Variants in GAB3 observed in about 807,000 individuals in gnomAD.
The protein encoded by GAB3 is GRB2 associated binding protein 3.
Under a neutral mutation model 40.4 loss-of-function variants are expected in GAB3, and 12 were observed. The observed-to-expected ratio is 0.30, with a 90% confidence interval of 0.19 to 0.48. GAB3 has a LOEUF of 0.48. Among genes scored for constraint, GAB3 ranks in the 20% least tolerant of loss-of-function variants. GAB3 has a pLI of 0.99. For synonymous variants in GAB3, 154 were observed against 176.7 expected (o/e 0.87, Z 1.02); for missense variants, 381 against 461.9 (o/e 0.82, Z 1.61).
At chrX:154,715,529 C>T (rs2071034145) in intron 2 of GAB3, among the ~76,000 whole-genome samples, 1 of 110,983 alleles carries the variant, frequency 9.0e-6, no homozygotes, top group African/African-American at 3.3e-5. Context: ...CAACTAATTT[C>T]CTCTGCAGAG....
intron 1 of GAB3, among the ~76,000 whole-genome samples, chrX:154,719,660 G>A (rs781990120): frequency 4.5e-5 from 5 of 112,170 alleles, no homozygotes; most frequent in African/African-American, 1.6e-4. Flanking sequence ...TCATCCCTTA[G>A]GTTTTTAAAT....
chrX:154,688,615 C>G (rs889486665), intron 8 of GAB3, among the ~76,000 whole-genome samples: 2 of 111,250 alleles, frequency 1.8e-5, no homozygotes, highest in Non-Finnish European at 3.8e-5. Context: ...ATATAAAGAA[C>G]TCTCAAAACT....
chrX:154,712,202 G>A lies in GAB3; in HGVS notation c.1069+27C>T, dbSNP rs782577751. On this transcript the variant is annotated intron_variant, in intron 4 of 9. Coordinates refer to ENST00000424127, the MANE Select transcript of GAB3 (RefSeq NM_001081573.3). ...GAAGAGGAGCCCGGGTTTTCTTGGC[G>A]CCTGAATCTTAGGACCCAACACTTA... 6.8e-5 allele frequency: 74 copies of A among 1,083,422 alleles called. No homozygotes were observed. The Admixed American group carries it at 1.6e-3, about 23-fold the overall frequency. 89.3% of individuals were successfully genotyped at this position (1,083,422 alleles called of 1,213,427 possible). A position where few individuals can be genotyped will look rare whatever the true frequency, so the allele number is the denominator to read the frequency against.
chrX:154,740,451 T>A (rs2071419845), intron 1 of GAB3, among the ~76,000 whole-genome samples: 2 of 112,162 alleles, frequency 1.8e-5, no homozygotes, highest in South Asian at 7.3e-4. Flanking sequence ...GTTCTCCGCT[T>A]CTAGGAATGT....
upstream of GAB3, chrX:154,751,512 G>T: frequency 1.3e-6 from 1 of 752,241 alleles, no homozygotes; most frequent in Non-Finnish European, 1.6e-6. Context: ...CATGTGCATA[G>T]TTCACGGAGA....
intron 1 of GAB3, among the ~76,000 whole-genome samples, chrX:154,749,823 TG>T (rs2071584692): frequency 2.7e-5 from 3 of 112,862 alleles, no homozygotes; most frequent in Non-Finnish European, 5.6e-5. Context: ...CCACACATTC[TG>T]GAAGTATTCA....
intron 1 of GAB3, among the ~76,000 whole-genome samples, chrX:154,744,427 G>A (rs1312253641): frequency 9.0e-6 from 1 of 110,916 alleles, no homozygotes; most frequent in Non-Finnish European, 1.9e-5. Context: ...ATAGCATCAG[G>A]GACAAAGCAA....
In GAB3 at chrX:154,680,550, A is replaced by G. The variant is rs959612001; in HGVS notation, c.1531-302T>C. On this transcript the variant is annotated intron_variant, in intron 8 of 9. Transcript: ENST00000424127. ...AGGCCTGTGATACTTCAGAGATTAA[A>G]CCCTAACAAGATCAACTATACTTAT... is the stretch of plus-strand genomic sequence containing the variant. 4.5e-5 allele frequency among the ~76,000 whole-genome samples: 5 copies of G among 112,256 alleles called. No individual in the cohort carries two copies. In the East Asian group the frequency reaches 1.4e-3, roughly 31 times the overall value.
intron 8 of GAB3, among the ~76,000 whole-genome samples, chrX:154,692,678 C>T (rs1557249750): frequency 8.9e-6 from 1 of 111,735 alleles, no homozygotes; most frequent in African/African-American, 3.3e-5. Context: ...ATTCCAGCTA[C>T]TCAGGAGGCT....
At chrX:154,685,077 A>G (rs2070428753) in intron 8 of GAB3, among the ~76,000 whole-genome samples, 1 of 111,711 alleles carries the variant, frequency 9.0e-6, no homozygotes, top group Admixed American at 9.5e-5. Context: ...TATCTCATCC[A>G]TTGAGTTTCT....
Position 154,680,240 on chromosome X carries a change from G to A in GAB3, c.1539C>T (p.His513=), listed in dbSNP as rs2070355448. The A allele has an allele frequency of 8.4e-7, 1 of 1,194,832 alleles. No homozygotes were observed. The highest frequency in any genetic ancestry group is 2.2e-5 in the Admixed American group (1 of 45,490). Residue 513 remains histidine (H), a synonymous_variant, in exon 9 of 10, where the codon CAC becomes CAT. Transcript: ENST00000424127. The part of the protein sequence containing the change: ...DEESYIEMEE[H]RTASSLSSGA... ...CACTGCTCAGGGAACTGGCTGTTCG[G>A]TGCTCCTCCTAGGAACCAACATCAC...
chrX:154,751,159 C>T (rs1290663468), upstream of GAB3: 2 of 549,833 alleles, frequency 3.6e-6, no homozygotes, highest in Non-Finnish European at 4.4e-6. Flanking sequence ...GCGACCCCCG[C>T]CTCCGGCCGC....
At position 154,714,926 on chromosome X, in the gene GAB3, T is replaced by C. The variant is rs1281629829; in HGVS notation, c.376+1100A>G. Among the ~76,000 whole-genome samples the C allele has an allele frequency of 2.7e-5, 3 of 112,435 alleles. No individual in the cohort carries two copies. The Admixed American group carries it at 2.8e-4, about 11-fold the overall frequency. The stretch of plus-strand genomic sequence containing the variant: ...TTAATGCTGCTTTTCCAATTAAGTT[T>C]TGTCCATTGTACCAAGGATAAAGAA... On this transcript the variant is annotated intron_variant, in intron 2 of 9. Coordinates refer to ENST00000424127, the MANE Select transcript of GAB3 (RefSeq NM_001081573.3).
chrX:154,738,918 C>T (rs1184788053), intron 1 of GAB3, among the ~76,000 whole-genome samples: 1 of 111,617 alleles, frequency 9.0e-6, no homozygotes, highest in East Asian at 2.8e-4. Context: ...GGGGAATTCC[C>T]AACTCCAGTT....
chrX:154,742,985 CAT>C (rs34588574), intron 1 of GAB3, among the ~76,000 whole-genome samples: 1,075 of 92,151 alleles, frequency 0.012, 7 homozygotes, highest in African/African-American at 0.02. Flanking sequence ...AGTGTGTGTA[CAT>C]ATATATATAT....
chrX:154,731,897 C>A (rs2071296938), intron 1 of GAB3, among the ~76,000 whole-genome samples: 1 of 112,404 alleles, frequency 8.9e-6, no homozygotes, highest in South Asian at 3.7e-4. Flanking sequence ...AGTGAATACT[C>A]TTTTTAGGGC....
At chrX:154,747,131 A>AGGG (rs2071540785) in intron 1 of GAB3, among the ~76,000 whole-genome samples, 1 of 111,615 alleles carries the variant, frequency 9.0e-6, no homozygotes, top group South Asian at 3.7e-4. Context: ...TCAGCCTCCC[A>AGGG]AGTAGCTGGG....
At chrX:154,744,458 G>C (rs1557261749) in intron 1 of GAB3, among the ~76,000 whole-genome samples, 1 of 111,578 alleles carries the variant, frequency 9.0e-6, no homozygotes, top group Non-Finnish European at 1.9e-5. Flanking sequence ...AATGAAAAAG[G>C]CTTCTATTCC....
At chrX:154,681,046 G>T (rs902576595) in intron 8 of GAB3, among the ~76,000 whole-genome samples, 4 of 111,933 alleles carry the variant, frequency 3.6e-5, no homozygotes, top group Non-Finnish European at 7.5e-5. Context: ...CCCAGTTTGG[G>T]GGCTATTGTA....
Sources: allele counts gnomAD v4.1 joint callset (sites outside exome capture counted in the v4.1 genomes callset), GRCh38; gene constraint gnomAD v4.1.1; transcripts MANE v1.5; gene names NCBI Gene and HGNC (gene_info 2026-07-23, HGNC 2026-07-21).